Variants in ATP13A4 observed in about 807,000 individuals in gnomAD.
ATP13A4 encodes the protein ATPase 13A4, also known as probable cation-transporting ATPase 13A4.
A neutral mutation model predicts 142.5 loss-of-function variants in ATP13A4; 114 were observed. That is an observed-to-expected ratio of 0.80 (90% CI 0.69 to 0.93). The LOEUF (loss-of-function observed/expected upper bound fraction) is 0.93, where lower values mean the gene tolerates loss of function less well. Ranked by LOEUF, ATP13A4 falls within the 40% of genes least tolerant of loss-of-function variation. The pLI is 0.00. For synonymous variants in ATP13A4, 488 were observed against 514.8 expected, an observed-to-expected ratio of 0.95 and a Z score of 0.70; for missense variants, 1,392 against 1,454.0, an observed-to-expected ratio of 0.96 and a Z score of 0.69.
intron 18 of ATP13A4, among the ~76,000 whole-genome samples, chr3:193,447,762 T>C (rs779171415): frequency 3.9e-5 from 6 of 152,174 alleles, no homozygotes; most frequent in East Asian, 3.9e-4. Flanking sequence ...ATTTCTAGAA[T>C]CGTGGATTTT....
intron 2 of ATP13A4, among the ~76,000 whole-genome samples, chr3:193,565,704 G>A (rs1724117202): frequency 6.6e-6 from 1 of 152,176 alleles, no homozygotes; most frequent in Non-Finnish European, 1.5e-5. Context: ...CAGTTCCCCT[G>A]CAGAGAGCTC....
intron 1 of ATP13A4, among the ~76,000 whole-genome samples, chr3:193,538,892 C>CTTTTTTTTTTTTTTTTT (rs67132373): frequency 8.3e-6 from 1 of 120,856 alleles, no homozygotes; most frequent in East Asian, 2.4e-4. Context: ...TTGGTTTTTT[C>CTTTTTTTTTTTTTTTTT]TTTTTTTTTT....
intron 12 of ATP13A4, among the ~76,000 whole-genome samples, chr3:193,464,403 G>A (rs111371256): frequency 9.5e-4 from 144 of 152,288 alleles, no homozygotes; most frequent in African/African-American, 3.0e-3. Flanking sequence ...GGTAGAATAC[G>A]AGGCTGGTTG....
intron 1 of ATP13A4, among the ~76,000 whole-genome samples, chr3:193,523,374 G>A (rs1721828282): frequency 1.3e-5 from 2 of 152,106 alleles, no homozygotes; most frequent in African/African-American, 4.8e-5. Context: ...TGACCTTCAG[G>A]ATGGGGGCTG....
chr3:193,529,185 G>A (rs377183783), intron 1 of ATP13A4, among the ~76,000 whole-genome samples: 39 of 151,722 alleles, frequency 2.6e-4, no homozygotes, highest in Admixed American at 4.6e-4. Context: ...CAGGAGAATC[G>A]CTTGAACCCA....
chr3:193,424,818 C>T (rs1021317121), intron 25 of ATP13A4, among the ~76,000 whole-genome samples: 1 of 149,306 alleles, frequency 6.7e-6, no homozygotes, highest in Non-Finnish European at 1.5e-5. Flanking sequence ...CAAAAATAGA[C>T]AAATGGGGAT....
intron 23 of ATP13A4, among the ~76,000 whole-genome samples, chr3:193,436,984 G>C (rs1434561197): frequency 1.4e-5 from 2 of 148,084 alleles, no homozygotes; most frequent in Non-Finnish European, 3.0e-5. Context: ...GGCGCCTGTA[G>C]TCCCAGCTAC....
Position 193,498,340 on chromosome 3 carries a change from C to CA in ATP13A4, c.381+4152dup, listed in dbSNP as rs148301046. ...CTAAAGAACAAAGAGGAGGTTATTA[C>CA]AAAAAAAAAAGGAAGTGAGGGTCTG... is the stretch of plus-strand genomic sequence containing the variant. On this transcript the variant is annotated intron_variant, in intron 3 of 29. Transcript: ENST00000342695. Among the ~76,000 whole-genome samples the CA allele has an allele frequency of 2.4e-3, 349 of 145,024 alleles. 3 individuals carry two copies. Among genetic ancestry groups the CA allele is most frequent in the East Asian group, 3.4e-3 (17 of 5,032 alleles).
chr3:193,459,453 G>T (rs963420045), intron 13 of ATP13A4, among the ~76,000 whole-genome samples: 2 of 152,294 alleles, frequency 1.3e-5, no homozygotes, highest in African/African-American at 2.4e-5. Flanking sequence ...TGGATACAGG[G>T]TCTCACTCTA....
chr3:193,531,292 GAGGGAGGA>G (rs1358991696), intron 1 of ATP13A4, among the ~76,000 whole-genome samples: 169 of 104,102 alleles, frequency 1.6e-3, no homozygotes, highest in Middle Eastern at 8.6e-3. Flanking sequence ...GGGAGGGAGG[GAGGGAGGA>G]AGGAAGGAAG....
At chr3:193,412,535 A>G (rs1714824526) in intron 26 of ATP13A4, among the ~76,000 whole-genome samples, 164 bp from the exon 27 acceptor site, 1 of 151,676 alleles carries the variant, frequency 6.6e-6, no homozygotes, top group Non-Finnish European at 1.5e-5. Flanking sequence ...ACACACACAC[A>G]CACACACACA....
intron 17 of ATP13A4, among the ~76,000 whole-genome samples, chr3:193,452,997 A>G (rs542499235): frequency 6.6e-6 from 1 of 152,112 alleles, no homozygotes; most frequent in East Asian, 1.9e-4. Context: ...CTTCACAGTC[A>G]CCTTACTGGC....
chr3:193,471,122 T>C lies in ATP13A4; in HGVS notation c.809-129A>G, dbSNP rs1025813528. On this transcript the variant is annotated intron_variant, in intron 8 of 29. Coordinates refer to ENST00000342695, the MANE Select transcript of ATP13A4 (RefSeq NM_032279.4). ...TTTTTTTTAGAAAGGAGAACATTCC[T>C]CAACATTGATTCAAAATTTGAAAAC... The C allele has an allele frequency of 6.6e-6, 8 of 1,212,540 alleles. No homozygotes were observed. The Admixed American group carries it at 1.3e-4, about 20-fold the overall frequency. 75.1% of individuals were successfully genotyped at this position (1,212,540 alleles called of 1,614,324 possible).
intron 8 of ATP13A4, among the ~76,000 whole-genome samples, chr3:193,482,418 G>A (rs1312108769): frequency 6.6e-6 from 1 of 152,050 alleles, no homozygotes; most frequent in Non-Finnish European, 1.5e-5. Flanking sequence ...TGATAAACTG[G>A]ACTTTAACAA....
At chr3:193,440,304 T>A (rs1716551807) in intron 21 of ATP13A4, 1 of 520,356 alleles carries the variant, frequency 1.9e-6, no homozygotes, top group African/African-American at 1.9e-5. Flanking sequence ...TTCTCAGCAT[T>A]GAATGCAAAA....
chr3:193,563,643 G>T (rs1206509259), intron 2 of ATP13A4, among the ~76,000 whole-genome samples: 1 of 152,148 alleles, frequency 6.6e-6, no homozygotes, highest in East Asian at 1.9e-4. Flanking sequence ...TCCAGCCTGG[G>T]CAATAGACTG....
intron 24 of ATP13A4, 120 bp downstream of exon 24, chr3:193,435,528 G>A (rs569622516): frequency 1.7e-5 from 14 of 836,890 alleles, no homozygotes; most frequent in Non-Finnish European, 2.5e-5. Flanking sequence ...TATTTTTGGA[G>A]GGGCTGTTGT....
intron 18 of ATP13A4, among the ~76,000 whole-genome samples, chr3:193,444,384 G>C (rs752430448): frequency 6.6e-6 from 1 of 152,114 alleles, no homozygotes; most frequent in East Asian, 1.9e-4. Flanking sequence ...TCAGATGAAT[G>C]AAAATTGAAG....
chr3:193,568,150 G>T (rs7614017), intron 2 of ATP13A4, among the ~76,000 whole-genome samples: 1 of 151,860 alleles, frequency 6.6e-6, no homozygotes, highest in African/African-American at 2.4e-5. Flanking sequence ...TAGTAGAGAC[G>T]GGTTTTCACC....
Sources: allele counts gnomAD v4.1 joint callset (sites outside exome capture counted in the v4.1 genomes callset), GRCh38; gene constraint gnomAD v4.1.1; transcripts MANE v1.5; gene names NCBI Gene and HGNC (gene_info 2026-07-23, HGNC 2026-07-21).